Variants in PAICS observed in about 807,000 individuals in gnomAD.
The protein encoded by PAICS is phosphoribosylaminoimidazole carboxylase and phosphoribosylaminoimidazolesuccinocarboxamide synthase.
In PAICS, 33 loss-of-function variants were observed where a neutral mutation model predicts 53.7. That is an observed-to-expected ratio of 0.61 (90% confidence interval 0.47 to 0.82). The LOEUF (loss-of-function observed/expected upper bound fraction) is 0.82. Among genes scored for constraint, PAICS ranks in the 40% least tolerant of loss-of-function variants. The pLI is 0.00. For missense variants in PAICS, 394 were observed against 494.1 expected (o/e 0.80, Z 1.92); for synonymous variants, 141 against 167.2 (o/e 0.84, Z 1.21).
chr4:56,458,195 C>CT (rs1464460369), intron 8 of PAICS, among the ~76,000 whole-genome samples: 6 of 152,024 alleles, frequency 3.9e-5, no homozygotes, highest in African/African-American at 1.4e-4. Context: ...TGGGGATAAT[C>CT]TTTTGAGGAG....
chr4:56,424,320 G>GAA, the PAICS span, among the ~76,000 whole-genome samples: 999 of 152,270 alleles, frequency 6.6e-3, 7 homozygotes, highest in South Asian at 0.017. Context: ...GATCTAGCAG[G>GAA]TTGGAGTCAG....
At chr4:56,424,187 C>T in the PAICS span, among the ~76,000 whole-genome samples, 31 of 152,180 alleles carry the variant, frequency 2.0e-4, no homozygotes, top group Non-Finnish European at 3.7e-4. Context: ...TCTTTCCTAT[C>T]TTAAATGTAT....
intron 3 of PAICS, among the ~76,000 whole-genome samples, chr4:56,447,565 T>C (rs1039657704): frequency 3.3e-5 from 5 of 152,202 alleles, no homozygotes; most frequent in African/African-American, 1.2e-4. Context: ...TGGGAGGTTA[T>C]GAGAACGGTG....
upstream of PAICS, among the ~76,000 whole-genome samples, chr4:56,431,969 C>T (rs1717606609): frequency 6.6e-6 from 1 of 152,160 alleles, no homozygotes; most frequent in Non-Finnish European, 1.5e-5. Context: ...GAAAGCAGAG[C>T]TACGGAATAA....
chr4:56,459,607 C>G lies in PAICS; in HGVS notation c.*69C>G. ...CTAATTTAGCTGAAGGAAAATCAAG[C>G]AAGATGAAAAGGTAATTTTAAATTA... On this transcript the variant is annotated 3_prime_UTR_variant, in exon 9 of 9. Transcript: ENST00000512576. 1 of 1,174,414 alleles carries G rather than the reference C, an allele frequency of 8.5e-7. No homozygotes were observed. The highest frequency in any genetic ancestry group is 1.2e-6 in the Non-Finnish European group (1 of 833,206). The allele number at this position is 1,174,414 out of a possible 1,614,324, so 72.7% of individuals were successfully genotyped here. A position where few individuals can be genotyped will look rare whatever the true frequency, so the allele number is the denominator to read the frequency against.
chr4:56,453,526 A>AC, intron 7 of PAICS, 77 bp from the exon 8 acceptor site: 4 of 995,514 alleles, frequency 4.0e-6, no homozygotes, highest in Non-Finnish European at 5.7e-6. Flanking sequence ...TAGGCCTTAA[A>AC]CCAAAAAAAA....
intron 6 of PAICS, 95 bp downstream of exon 6, chr4:56,450,797 T>G: frequency 4.5e-6 from 3 of 665,204 alleles, no homozygotes; most frequent in Admixed American, 2.7e-5. Context: ...TATAGTGCTT[T>G]TCTTTTCAGT....
chr4:56,438,402 T>TATATAA (rs1488140962), intron 1 of PAICS, among the ~76,000 whole-genome samples: 54 of 132,152 alleles, frequency 4.1e-4, no homozygotes, highest in African/African-American at 9.8e-4. Context: ...TATATATATA[T>TATATAA]AAAAGGTTTT....
At chr4:56,435,363 C>T, upstream of PAICS, 1 of 1,613,802 alleles carries the variant, frequency 6.2e-7, no homozygotes, top group South Asian at 1.1e-5. Flanking sequence ...TGCTGCAGCC[C>T]CACGAGTCCC....
chr4:56,423,781 T>G, the PAICS span, among the ~76,000 whole-genome samples: 1 of 151,976 alleles, frequency 6.6e-6, no homozygotes, highest in Non-Finnish European at 1.5e-5. Flanking sequence ...AACTGTCACA[T>G]GAAAATTCAA....
At chr4:56,458,632 ATT>A (rs1719346460) in intron 8 of PAICS, among the ~76,000 whole-genome samples, 1 of 152,208 alleles carries the variant, frequency 6.6e-6, no homozygotes, top group Non-Finnish European at 1.5e-5. Context: ...TGTGATTTGT[ATT>A]TGACTCTGTT....
At chr4:56,412,769 T>G in the PAICS span, among the ~76,000 whole-genome samples, 2 of 152,208 alleles carry the variant, frequency 1.3e-5, no homozygotes, top group African/African-American at 4.8e-5. Context: ...TAACCAGAAC[T>G]TCATCATGTC....
the PAICS span, among the ~76,000 whole-genome samples, chr4:56,415,898 C>T: frequency 3.3e-5 from 5 of 152,108 alleles, no homozygotes; most frequent in African/African-American, 7.2e-5. Flanking sequence ...GGTGAAACCT[C>T]GTGTCTACTA....
At chr4:56,456,706 G>GTTTT (rs371211011) in intron 8 of PAICS, among the ~76,000 whole-genome samples, 6 of 135,502 alleles carry the variant, frequency 4.4e-5, no homozygotes, top group African/African-American at 1.6e-4. Context: ...TGCCTCTGGG[G>GTTTT]TTTTTTTTTT....
intron 2 of PAICS, 155 bp downstream of exon 2, chr4:56,442,015 T>G: frequency 1.8e-6 from 1 of 563,394 alleles, no homozygotes; most frequent in South Asian, 2.8e-5. Context: ...AACTTCACTA[T>G]AACACCTTAT....
chr4:56,418,184 C>T, the PAICS span, among the ~76,000 whole-genome samples: 29,217 of 151,994 alleles, frequency 0.19, 3,150 homozygotes, highest in Admixed American at 0.33. Context: ...TGCATGGTAG[C>T]GTGTGCCTGT....
At chr4:56,428,135 G>T in the PAICS span, among the ~76,000 whole-genome samples, 2 of 152,158 alleles carry the variant, frequency 1.3e-5, no homozygotes, top group Non-Finnish European at 2.9e-5. Context: ...TCATATTGAA[G>T]TTATTATTGT....
At chr4:56,418,354 CT>C in the PAICS span, among the ~76,000 whole-genome samples, 1 of 152,006 alleles carries the variant, frequency 6.6e-6, no homozygotes, top group Admixed American at 6.6e-5. Flanking sequence ...GGGTCTCACT[CT>C]TTTGCCCAAG....
chr4:56,436,419 C>A, intron 1 of PAICS, 91 bp downstream of exon 1: 2 of 1,078,238 alleles, frequency 1.9e-6, no homozygotes, highest in South Asian at 1.3e-5. Flanking sequence ...CTCTGTCCCG[C>A]CTCCCTGCAG....
Sources: gnomAD v4.1 joint callset for allele counts (sites outside exome capture counted in the v4.1 genomes callset) on GRCh38, gnomAD v4.1.1 for gene constraint, MANE v1.5 for transcripts, NCBI Gene and HGNC (gene_info 2026-07-23, HGNC 2026-07-21) for gene names.